Variants in TRIM37 observed in about 807,000 individuals in gnomAD.
The protein encoded by TRIM37 is tripartite motif containing 37, also known as E3 ubiquitin-protein ligase TRIM37.
In TRIM37, 80 loss-of-function variants were observed where a neutral mutation model predicts 129.8. The ratio of observed to expected loss-of-function variants is 0.62; its 90% CI spans 0.51 to 0.74. The LOEUF (loss-of-function observed/expected upper bound fraction) is 0.74, where lower values mean the gene tolerates loss of function less well. Ranked by LOEUF, TRIM37 falls within the 30% of genes least tolerant of loss-of-function variation. The pLI is 0.00. For synonymous variants in TRIM37, 389 were observed against 387.1 expected, an observed-to-expected ratio of 1.00 and a Z score of -0.06; for missense variants, 1,054 against 1,176.5, an observed-to-expected ratio of 0.90 and a Z score of 1.52.
chr17:59,018,832 A>C (rs1223940658), intron 19 of TRIM37, among the ~76,000 whole-genome samples: 2 of 152,202 alleles, frequency 1.3e-5, no homozygotes. Context: ...TTCTGATTTC[A>C]AAAGTTACTA....
At chr17:59,070,749 A>C (rs76870155) in intron 9 of TRIM37, 74 bp downstream of exon 9, 1 of 1,507,060 alleles carries the variant, frequency 6.6e-7, no homozygotes, top group East Asian at 2.3e-5. Flanking sequence ...AAAAAAAAAA[A>C]CATTCTTTTG....
At chr17:59,030,108 C>A (rs1236126879) in intron 18 of TRIM37, among the ~76,000 whole-genome samples, 2 of 152,024 alleles carry the variant, frequency 1.3e-5, no homozygotes, top group African/African-American at 4.8e-5. Flanking sequence ...TGTCTGTATT[C>A]CAGTTCATTT....
intron 24 of TRIM37, among the ~76,000 whole-genome samples, chr17:58,991,898 T>G (rs969461760): frequency 3.9e-5 from 6 of 151,946 alleles, no homozygotes; most frequent in Admixed American, 3.3e-4. Context: ...GTGCAATGAG[T>G]GCTGACACCA....
At chr17:59,055,412 T>C (rs1425865814) in intron 13 of TRIM37, among the ~76,000 whole-genome samples, 1 of 150,122 alleles carries the variant, frequency 6.7e-6, no homozygotes, top group Non-Finnish European at 1.5e-5. Context: ...AAGAGCTAAA[T>C]GGGCCGGGCG....
At chr17:58,985,190 G>GTCTT (rs1270229796) in intron 24 of TRIM37, 1 of 152,506 alleles carries the variant, frequency 6.6e-6, no homozygotes, top group African/African-American at 2.4e-5. Flanking sequence ...CTAGTCATTT[G>GTCTT]TCTTTTTATT....
At position 58,999,025 on chromosome 17, in the gene TRIM37, G is replaced by C; in HGVS notation, c.*352C>G. The C allele has an allele frequency of 2.7e-6, 3 of 1,128,010 alleles. No homozygotes were observed. The highest frequency in any genetic ancestry group is 3.3e-6 in the Non-Finnish European group (3 of 915,016). 69.9% of individuals were successfully genotyped at this position (1,128,010 alleles called of 1,614,324 possible). On this transcript the variant is annotated 3_prime_UTR_variant, in exon 24 of 24. Coordinates refer to ENST00000262294, the MANE Select transcript of TRIM37 (RefSeq NM_015294.6). ...ACAGTAGAGCACCAATGCCGGGCGG[G>C]TTACTGACGGCATGCAGGGCCTGGA...
rs1292881376 is a variant in TRIM37, at chr17:58,999,351, G to C, written c.*26C>G. 4 of 1,613,592 alleles carry C rather than the reference G, an allele frequency of 2.5e-6. No homozygotes were observed. The African/African-American group carries it at 5.3e-5, about 22-fold the overall frequency. ...GCAAAATTCAGGGTCAAGGTAGCTT[G>C]CAAGTCAGTTCTCTTGATTTGGCAA... is the stretch of plus-strand genomic sequence containing the variant. On this transcript the variant is annotated 3_prime_UTR_variant, in exon 24 of 24. Coordinates refer to ENST00000262294, the MANE Select transcript of TRIM37 (RefSeq NM_015294.6).
intron 3 of TRIM37, among the ~76,000 whole-genome samples, chr17:59,090,298 A>G (rs894825484): frequency 2.6e-5 from 4 of 152,160 alleles, no homozygotes; most frequent in Non-Finnish European, 4.4e-5. Context: ...TCAAGAAAAG[A>G]TATCTACCAT....
intron 17 of TRIM37, among the ~76,000 whole-genome samples, chr17:59,040,571 T>C (rs1310258762): frequency 6.6e-6 from 1 of 151,916 alleles, no homozygotes; most frequent in Non-Finnish European, 1.5e-5. Context: ...TTGGAAACTA[T>C]GGAAAGACAA....
downstream of TRIM37, chr17:58,980,251 T>G: frequency 6.2e-7 from 1 of 1,614,030 alleles, no homozygotes; most frequent in Non-Finnish European, 8.5e-7. The surrounding 1 kb of genome is among the most constrained non-coding windows in gnomAD (Gnocchi z 4.7). Context: ...AAGCTGTAAA[T>G]GTTAGTGAGG....
Position 58,999,566 on chromosome 17 carries a change from T to C in TRIM37, c.2813-107A>G, listed in dbSNP as rs939540532. On this transcript the variant is annotated intron_variant, in intron 23 of 23. Transcript: ENST00000262294. Reference sequence around the variant, plus strand: ...AATCTTACCAAATGTGTTATTTAAGTGATAAAGATGTGCTGGGTTGTGAAC... The same window carrying C: ...AATCTTACCAAATGTGTTATTTAAGCGATAAAGATGTGCTGGGTTGTGAAC... The C allele has an allele frequency of 5.8e-5, 54 of 927,482 alleles. 1 individual carries two copies. The highest frequency in any genetic ancestry group is 3.9e-4 in the South Asian group (24 of 61,368). The allele number at this position is 927,482 out of a possible 1,614,324, so 57.5% of individuals were successfully genotyped here.
At chr17:59,079,453 T>C (rs1349633140) in intron 7 of TRIM37, among the ~76,000 whole-genome samples, 7 of 152,152 alleles carry the variant, frequency 4.6e-5, no homozygotes, top group African/African-American at 1.4e-4. Flanking sequence ...TATGGAACAT[T>C]AGTAGAAGGA....
intron 2 of TRIM37, among the ~76,000 whole-genome samples, chr17:59,101,032 A>G (rs1400458024): frequency 6.6e-6 from 1 of 151,914 alleles, no homozygotes; most frequent in African/African-American, 2.4e-5. Flanking sequence ...CAAAAAAAAA[A>G]AAAAAAGAAC....
chr17:59,088,741 C>A (rs568030614), intron 3 of TRIM37, among the ~76,000 whole-genome samples: 183 of 151,926 alleles, frequency 1.2e-3, no homozygotes, highest in Non-Finnish European at 2.0e-3. Flanking sequence ...TGGTCTTGAA[C>A]TCCTGGCCTC....
the TRIM37 span, among the ~76,000 whole-genome samples, chr17:58,977,286 C>T: frequency 4.0e-5 from 6 of 151,732 alleles, no homozygotes; most frequent in African/African-American, 1.2e-4. Context: ...CTACTAAAAA[C>T]ACAAAAATTA....
intron 5 of TRIM37, among the ~76,000 whole-genome samples, chr17:59,082,986 C>G (rs11650331): frequency 6.6e-6 from 1 of 152,324 alleles, no homozygotes; most frequent in African/African-American, 2.4e-5. Flanking sequence ...GTAAAACATA[C>G]TGACTGATGC....
chr17:59,050,138 G>A (rs964733462), intron 14 of TRIM37, among the ~76,000 whole-genome samples: 3 of 152,122 alleles, frequency 2.0e-5, no homozygotes, highest in African/African-American at 7.2e-5. Flanking sequence ...ATCTTCCCCA[G>A]TGCTCATTCA....
chr17:59,081,964 A>AAAAAAAAAAAAAAAT (rs1568200247), intron 5 of TRIM37, among the ~76,000 whole-genome samples: 6 of 87,222 alleles, frequency 6.9e-5, no homozygotes, highest in East Asian at 3.1e-4. Context: ...AAAAAAAAAA[A>AAAAAAAAAAAAAAAT]AATAATAATA....
chr17:59,070,004 G>GGCACCC (rs2042235840), intron 9 of TRIM37, among the ~76,000 whole-genome samples: 1 of 152,154 alleles, frequency 6.6e-6, no homozygotes. Flanking sequence ...GTTGTTTAAA[G>GGCACCC]GCACCCAGTA....
Sources: gnomAD v4.1 joint callset for allele counts (sites outside exome capture counted in the v4.1 genomes callset) on GRCh38, gnomAD v4.1.1 for gene constraint, Gnocchi (gnomAD v3.1) non-coding constraint, MANE v1.5 for transcripts, NCBI Gene and HGNC (gene_info 2026-07-23, HGNC 2026-07-21) for gene names.